WBP4: variants seen among roughly 807,000 people sequenced by gnomAD.
WBP4 encodes WW domain-binding protein 4.
Under a neutral mutation model 55.4 loss-of-function variants are expected in WBP4, and 37 were observed. The observed-to-expected ratio is 0.67, with a 90% CI of 0.51 to 0.88. The LOEUF is 0.88. WBP4 is among the 40% of genes least tolerant of loss of function. WBP4 has a pLI of 0.00. For missense variants in WBP4, 398 were observed against 420.8 expected (o/e 0.95, Z 0.47); for synonymous variants, 142 against 140.2 (o/e 1.01, Z -0.09).
At chr13:41,069,416 A>G (rs1336947912) in intron 5 of WBP4, among the ~76,000 whole-genome samples, 1 of 152,058 alleles carries the variant, frequency 6.6e-6, no homozygotes, top group East Asian at 1.9e-4. Context: ...TAATCCCAGC[A>G]CTTTGGGAGG....
intron 4 of WBP4, 78 bp downstream of exon 4, chr13:41,065,365 T>A (rs370781320): frequency 1.4e-6 from 2 of 1,478,624 alleles, no homozygotes; most frequent in East Asian, 4.7e-5. Flanking sequence ...AAGCTTTGAT[T>A]GCTTCCATAA....
At position 41,083,855 on chromosome 13, in the gene WBP4, TTTAG is replaced by T. The variant is rs897734234; in HGVS notation, c.*943_*946del. The T allele has an allele frequency of 4.6e-5, 7 of 152,328 alleles. No individual in the cohort carries two copies. The highest frequency in any genetic ancestry group is 3.4e-3 in the Middle Eastern group (1 of 294). 9.4% of individuals were successfully genotyped at this position (152,328 alleles called of 1,614,324 possible). ...AAGTAGAATTTTCTTCTTTAATCCG[TTTAG>T]TAGTTACCTCCCTTTTACTTTTCAA... On this transcript the variant is annotated 3_prime_UTR_variant, in exon 10 of 10. Transcript: ENST00000379487.
At chr13:41,062,234 T>C in intron 1 of WBP4, 1 of 982,932 alleles carries the variant, frequency 1.0e-6, no homozygotes, top group Non-Finnish European at 1.2e-6. Context: ...TTCCCCAGAG[T>C]AGTCTTGTAC....
In WBP4 at chr13:41,082,856, AGAG is replaced by A; in HGVS notation, c.1074_1076del (p.Arg360del). 1 of 1,614,160 alleles carries A rather than the reference AGAG, an allele frequency of 6.2e-7. No individual in the cohort carries two copies. Among genetic ancestry groups the A allele is most frequent in the Non-Finnish European group, 8.5e-7 (1 of 1,180,016 alleles). Reference sequence around the variant, plus strand: ...GATGGAGTGGCCCCAGTCTTCAAAAAGAGAAGAACTGAAAATGGAAAATCTAGA... The same window carrying A: ...GATGGAGTGGCCCCAGTCTTCAAAAAAAGAACTGAAAATGGAAAATCTAGA... On this transcript the variant is annotated inframe_deletion, in exon 10 of 10. Transcript: ENST00000379487.
intron 5 of WBP4, among the ~76,000 whole-genome samples, chr13:41,069,994 A>G (rs1213463590): frequency 6.6e-6 from 1 of 152,132 alleles, no homozygotes; most frequent in African/African-American, 2.4e-5. Flanking sequence ...TACTCCGTAT[A>G]CATTTTGGAA....
At chr13:41,073,163 A>C (rs181308103) in intron 7 of WBP4, among the ~76,000 whole-genome samples, 2 of 152,210 alleles carry the variant, frequency 1.3e-5, no homozygotes, top group Non-Finnish European at 2.9e-5. Context: ...AAATATAGTC[A>C]TTACCTTGGA....
intron 2 of WBP4, 143 bp from the exon 3 acceptor site, chr13:41,064,873 A>G (rs1194931966): frequency 3.9e-6 from 3 of 771,372 alleles, no homozygotes; most frequent in African/African-American, 3.6e-5. Context: ...AAAAGGGCCA[A>G]TTTGCATTAA....
chr13:41,082,991 G>A lies in WBP4; in HGVS notation c.*77G>A. The A allele has an allele frequency of 2.2e-6, 3 of 1,342,256 alleles. No homozygotes were observed. The highest frequency in any genetic ancestry group is 2.2e-5 in the Admixed American group (1 of 46,322). 83.1% of individuals were successfully genotyped at this position (1,342,256 alleles called of 1,614,324 possible). ...ACCCAAAGTTTATCTGTGTTTGTTT[G>A]TAAGTATTATGATGCTAAAAATTTA... On this transcript the variant is annotated 3_prime_UTR_variant, in exon 10 of 10. Transcript: ENST00000379487.
intron 7 of WBP4, among the ~76,000 whole-genome samples, chr13:41,075,827 T>C (rs927287526): frequency 4.6e-5 from 7 of 152,204 alleles, no homozygotes; most frequent in Admixed American, 1.3e-4. Context: ...ATTGGAGTTA[T>C]AGTTTACACA....
Position 41,083,450 on chromosome 13 carries a change from T to C in WBP4, c.*536T>C, listed in dbSNP as rs1382746891. The C allele has an allele frequency of 6.5e-6, 1 of 155,004 alleles. No individual in the cohort carries two copies. The highest frequency in any genetic ancestry group is 1.4e-5 in the Non-Finnish European group (1 of 69,842). 9.6% of individuals were successfully genotyped at this position (155,004 alleles called of 1,614,324 possible). ...CAACAGCCAGGAGCAGCTCAGGTAC[T>C]TCAGATGTGCTTAATATGGAGTGAA... On this transcript the variant is annotated 3_prime_UTR_variant, in exon 10 of 10. Transcript: ENST00000379487.
chr13:41,072,890 A>G (rs751841546), intron 7 of WBP4, 33 bp downstream of exon 7: 8 of 1,566,312 alleles, frequency 5.1e-6, no homozygotes, highest in East Asian at 2.3e-5. Flanking sequence ...TTAACTGTTT[A>G]AAATTGTACC....
At chr13:41,081,717 G>T (rs1342816743) in intron 9 of WBP4, among the ~76,000 whole-genome samples, 1 of 152,066 alleles carries the variant, frequency 6.6e-6, no homozygotes. Context: ...GGGAGGCTAA[G>T]GCAGGAGGTT....
chr13:41,081,817 A>C (rs1878791618), intron 9 of WBP4, among the ~76,000 whole-genome samples: 1 of 152,234 alleles, frequency 6.6e-6, no homozygotes, highest in Non-Finnish European at 1.5e-5. Flanking sequence ...CTGTCCTAAA[A>C]AGAAAAAATC....
chr13:41,083,961 T>C lies in WBP4; in HGVS notation c.*1047T>C, dbSNP rs1021989586. ...TTAATATTTGTCTTTTTAAGATGAC[T>C]GTACATGTAAGAAAAAAGCTTATTA... On this transcript the variant is annotated 3_prime_UTR_variant, in exon 10 of 10. Transcript: ENST00000379487. 8.5e-5 allele frequency: 13 copies of C among 152,226 alleles called. No homozygotes were observed. Among genetic ancestry groups the C allele is most frequent in the Non-Finnish European group, 1.8e-4 (12 of 68,026 alleles). The allele number at this position is 152,226 out of a possible 1,614,324, so 9.4% of individuals were successfully genotyped here. A position where few individuals can be genotyped will look rare whatever the true frequency, so the allele number is the denominator to read the frequency against.
chr13:41,069,792 C>CA (rs1878150394), intron 5 of WBP4, among the ~76,000 whole-genome samples: 1 of 145,368 alleles, frequency 6.9e-6, no homozygotes, highest in Non-Finnish European at 1.5e-5. Flanking sequence ...GCAGGAGAAT[C>CA]AATTGAACCC....
intron 8 of WBP4, among the ~76,000 whole-genome samples, chr13:41,079,583 G>T (rs1253867305): frequency 6.6e-6 from 1 of 150,932 alleles, no homozygotes; most frequent in Non-Finnish European, 1.5e-5. Context: ...ACAGATACTG[G>T]CAAGGATGCA....
chr13:41,078,971 A>C (rs964478768), intron 8 of WBP4, among the ~76,000 whole-genome samples: 2 of 152,208 alleles, frequency 1.3e-5, no homozygotes, highest in Non-Finnish European at 2.9e-5. Flanking sequence ...GGAGGGACTT[A>C]ATTAAAAAGC....
chr13:41,072,045 CAAA>C (rs560903455), intron 6 of WBP4, among the ~76,000 whole-genome samples: 115 of 50,774 alleles, frequency 2.3e-3, no homozygotes, highest in Admixed American at 0.011. Flanking sequence ...GACTCCGTCT[CAAA>C]AAAAAAAAAA....
intron 2 of WBP4, among the ~76,000 whole-genome samples, chr13:41,064,218 C>T (rs983394301): frequency 1.3e-5 from 2 of 152,024 alleles, no homozygotes; most frequent in Non-Finnish European, 2.9e-5. Flanking sequence ...CTGGAGCTCC[C>T]TTTGTATCCA....
Sources: gnomAD v4.1 joint callset for allele counts (sites outside exome capture counted in the v4.1 genomes callset) on GRCh38, gnomAD v4.1.1 for gene constraint, MANE v1.5 for transcripts, NCBI Gene and HGNC (gene_info 2026-07-23, HGNC 2026-07-21) for gene names.